The following GALNT18 variants were observed in gnomAD, a reference collection of about 807,000 sequenced individuals.
The protein encoded by GALNT18 is GalNAc-transferase 18.
Under a neutral mutation model 69.5 loss-of-function variants are expected in GALNT18, and 44 were observed. The ratio of observed to expected loss-of-function variants is 0.63; its 90% CI spans 0.50 to 0.81. The LOEUF is 0.81. Among genes scored for constraint, GALNT18 ranks in the 40% least tolerant of loss-of-function variants. The pLI, the probability that GALNT18 is intolerant of heterozygous loss-of-function variation, is 0.00. For synonymous variants in GALNT18, 364 were observed against 318.2 expected (o/e 1.14, Z -1.53); for missense variants, 715 against 810.0 (o/e 0.88, Z 1.42).
rs1465529290 is a variant in GALNT18 at position 11,621,208 on chromosome 11, G to A, written c.235+151C>T. ...GACAGAAGGTCCCGAACGCAGGCAGGAGCTCACACGCAGGCCCCACGACTA... is the reference window on the plus strand; with the variant it reads ...GACAGAAGGTCCCGAACGCAGGCAGAAGCTCACACGCAGGCCCCACGACTA... On this transcript the variant is annotated intron_variant, in intron 1 of 10. Coordinates refer to ENST00000227756, the MANE Select transcript of GALNT18 (RefSeq NM_198516.3). The surrounding 1 kb of genome is among the most constrained non-coding windows in gnomAD (Gnocchi z 9.3). The A allele has an allele frequency of 3.1e-6, 2 of 642,980 alleles. No individual in the cohort carries two copies. The highest frequency in any genetic ancestry group is 2.7e-5 in the East Asian group (1 of 36,980). 39.8% of individuals were successfully genotyped at this position (642,980 alleles called of 1,614,324 possible).
intron 9 of GALNT18, among the ~76,000 whole-genome samples, chr11:11,294,082 A>G (rs56062366): frequency 0.16 from 24,427 of 152,200 alleles, 2,077 homozygotes; most frequent in East Asian, 0.23. Flanking sequence ...AGGACTCAGC[A>G]CATAGCTGTA....
chr11:11,425,311 C>A (rs746694369), intron 3 of GALNT18, among the ~76,000 whole-genome samples: 6 of 152,220 alleles, frequency 3.9e-5, no homozygotes, highest in Non-Finnish European at 7.3e-5. Flanking sequence ...TTCCATCCAG[C>A]CTTCAAGCAC....
At chr11:11,489,344 TA>T (rs1856712289) in intron 1 of GALNT18, among the ~76,000 whole-genome samples, 2 of 152,190 alleles carry the variant, frequency 1.3e-5, no homozygotes, top group Non-Finnish European at 2.9e-5. Flanking sequence ...GTCTCAAGGA[TA>T]CGGTGCTAGG....
chr11:11,456,733 A>G (rs1296476222), intron 1 of GALNT18, among the ~76,000 whole-genome samples: 1 of 152,080 alleles, frequency 6.6e-6, no homozygotes, highest in Admixed American at 6.5e-5. Context: ...CTAGAGACCC[A>G]CTCACTCAGG....
chr11:11,559,445 C>T (rs1030868644), intron 1 of GALNT18, among the ~76,000 whole-genome samples: 4 of 152,216 alleles, frequency 2.6e-5, no homozygotes, highest in African/African-American at 9.6e-5. Context: ...TTGGTCATCT[C>T]TGTTTCCCCA....
Position 11,309,167 on chromosome 11 carries a change from C to T in GALNT18, c.1513-15974G>A, listed in dbSNP as rs1849630128. On this transcript the variant is annotated intron_variant, in intron 9 of 10. Coordinates refer to ENST00000227756, the MANE Select transcript of GALNT18 (RefSeq NM_198516.3). The surrounding 1 kb of genome is among the most constrained non-coding windows in gnomAD (Gnocchi z 4.6). Reference sequence around the variant, plus strand: ...TAAAAGGACAAGTTTAGTCCCCTCTCTAGCCCTTCTTTCTACACTTCCACC... The same window carrying T: ...TAAAAGGACAAGTTTAGTCCCCTCTTTAGCCCTTCTTTCTACACTTCCACC... 6.6e-6 allele frequency among the ~76,000 whole-genome samples: 1 copy of T among 152,196 alleles called. No homozygotes were observed. Among genetic ancestry groups the T allele is most frequent in the Admixed American group, 6.5e-5 (1 of 15,278 alleles).
rs1364192131 is a variant in GALNT18 at position 11,562,050 on chromosome 11, C to G, written c.235+59309G>C. Among the ~76,000 whole-genome samples, 1 of 152,236 alleles carries G rather than the reference C, an allele frequency of 6.6e-6. No homozygotes were observed. Among genetic ancestry groups the G allele is most frequent in the Non-Finnish European group, 1.5e-5 (1 of 68,044 alleles). On this transcript the variant is annotated intron_variant, in intron 1 of 10. Coordinates refer to ENST00000227756, the MANE Select transcript of GALNT18 (RefSeq NM_198516.3). This position sits in a 1 kb window ranked among gnomAD's most constrained non-coding sequence, Gnocchi z 4.1. ...GCACTCCATAAACCACACTCCTAAC[C>G]CTTTCTCTTTACTAAAGGTGTGGGA...
At chr11:11,305,234 C>A (rs1849559597) in intron 9 of GALNT18, among the ~76,000 whole-genome samples, 1 of 152,186 alleles carries the variant, frequency 6.6e-6, no homozygotes. Flanking sequence ...TGCTTAGATG[C>A]AGAGTGTGCC....
intron 3 of GALNT18, among the ~76,000 whole-genome samples, chr11:11,429,430 G>A (rs1484477628): frequency 1.3e-5 from 2 of 151,994 alleles, no homozygotes; most frequent in Non-Finnish European, 2.9e-5. Context: ...ATTACTCCAC[G>A]CGTGAGACTC....
intron 1 of GALNT18, among the ~76,000 whole-genome samples, chr11:11,561,531 TGA>T (rs111431752): frequency 2.0e-4 from 30 of 152,002 alleles, no homozygotes; most frequent in African/African-American, 7.2e-4. Flanking sequence ...AAGGATTGAG[TGA>T]GAAAGCAAAT....
In GALNT18 at chr11:11,459,723, G is replaced by C. The variant is rs999968885; in HGVS notation, c.236-10787C>G. On this transcript the variant is annotated intron_variant, in intron 1 of 10. Transcript: ENST00000227756. The surrounding 1 kb of genome is among the most constrained non-coding windows in gnomAD (Gnocchi z 5.0). ...AAGTGAGATGATGGACACCCCGAAAGTGCTTAGCAAACCATCAGATAGGTG... is the reference window on the plus strand; with the variant it reads ...AAGTGAGATGATGGACACCCCGAAACTGCTTAGCAAACCATCAGATAGGTG... Among the ~76,000 whole-genome samples, 1 of 152,232 alleles carries C rather than the reference G, an allele frequency of 6.6e-6. No homozygotes were observed. The highest frequency in any genetic ancestry group is 2.4e-5 in the African/African-American group (1 of 41,458).
chr11:11,543,518 A>G lies in GALNT18; in HGVS notation c.235+77841T>C, dbSNP rs1857973477. 6.6e-6 allele frequency among the ~76,000 whole-genome samples: 1 copy of G among 151,916 alleles called. No individual in the cohort carries two copies. The highest frequency in any genetic ancestry group is 6.6e-5 in the Admixed American group (1 of 15,262). On this transcript the variant is annotated intron_variant, in intron 1 of 10. Transcript: ENST00000227756. This position sits in a 1 kb window ranked among gnomAD's most constrained non-coding sequence, Gnocchi z 5.1. ...ACCAAGAGCCTGGCTTCTGCACAGG[A>G]CACCATTCACCAAGTGCTGCTGGAG...
rs918449741 is a variant in GALNT18 at position 11,496,683 on chromosome 11, T to C, written c.236-47747A>G. ...GGGCAGGACCTGCAGGGCAAGCTGA[T>C]GGGAAACACTGAGCCTCGGTTTCCT... On this transcript the variant is annotated intron_variant, in intron 1 of 10. Coordinates refer to ENST00000227756, the MANE Select transcript of GALNT18 (RefSeq NM_198516.3). This position sits in a 1 kb window ranked among gnomAD's most constrained non-coding sequence, Gnocchi z 4.0. Among the ~76,000 whole-genome samples, 1 of 151,310 alleles carries C rather than the reference T, an allele frequency of 6.6e-6. No homozygotes were observed. Among genetic ancestry groups the C allele is most frequent in the Admixed American group, 6.6e-5 (1 of 15,148 alleles).
chr11:11,302,638 G>A (rs898304026), intron 9 of GALNT18, among the ~76,000 whole-genome samples: 2 of 152,244 alleles, frequency 1.3e-5, no homozygotes, highest in Admixed American at 6.5e-5. Context: ...CAATGGCCAG[G>A]GTGGTAGGCC....
rs1857051167 is a variant in GALNT18 at position 11,505,428 on chromosome 11, G to A, written c.236-56492C>T. ...ACCAGCACTGACTCCTATGCCCACAGCAGATCCAAGTAATCAATCACAGCA... is the reference window on the plus strand; with the variant it reads ...ACCAGCACTGACTCCTATGCCCACAACAGATCCAAGTAATCAATCACAGCA... On this transcript the variant is annotated intron_variant, in intron 1 of 10. Coordinates refer to ENST00000227756, the MANE Select transcript of GALNT18 (RefSeq NM_198516.3). The surrounding 1 kb of genome is among the most constrained non-coding windows in gnomAD (Gnocchi z 4.6). Among the ~76,000 whole-genome samples the A allele has an allele frequency of 6.6e-6, 1 of 152,154 alleles. No homozygotes were observed. The highest frequency in any genetic ancestry group is 1.5e-5 in the Non-Finnish European group (1 of 68,034).
At chr11:11,539,168 C>T (rs897191583) in intron 1 of GALNT18, among the ~76,000 whole-genome samples, 1 of 152,194 alleles carries the variant, frequency 6.6e-6, no homozygotes, top group Non-Finnish European at 1.5e-5. Flanking sequence ...AGGGCTCTGC[C>T]CTCAGATCTG....
chr11:11,572,101 C>T (rs1224917481), intron 1 of GALNT18, among the ~76,000 whole-genome samples: 8 of 152,234 alleles, frequency 5.3e-5, no homozygotes, highest in African/African-American at 9.6e-5. Context: ...CTCCAGCTCT[C>T]CCTGTGCAAG....
At chr11:11,390,016 C>T (rs1433762488) in intron 3 of GALNT18, among the ~76,000 whole-genome samples, 1 of 152,142 alleles carries the variant, frequency 6.6e-6, no homozygotes, top group African/African-American at 2.4e-5. Context: ...GATTCTGAAT[C>T]CAAAATTTCA....
intron 6 of GALNT18, among the ~76,000 whole-genome samples, chr11:11,353,734 C>T (rs1044660019): frequency 2.6e-5 from 4 of 152,162 alleles, no homozygotes; most frequent in African/African-American, 9.6e-5. Context: ...CAAAGAAGGA[C>T]TCTTTAAACG....
Sources: allele counts gnomAD v4.1 joint callset (sites outside exome capture counted in the v4.1 genomes callset), GRCh38; gene constraint gnomAD v4.1.1; non-coding constraint Gnocchi (gnomAD v3.1); transcripts MANE v1.5; gene names NCBI Gene and HGNC (gene_info 2026-07-23, HGNC 2026-07-21).